The following EML6 variants were observed in gnomAD, a reference collection of about 807,000 sequenced individuals.
EML6 encodes EMAP like 6, also known as echinoderm microtubule-associated protein-like 6.
In EML6, 154 loss-of-function variants were observed where a neutral mutation model predicts 240.1. That is an observed-to-expected ratio of 0.64 (90% CI 0.56 to 0.73). The LOEUF is 0.73. EML6 is among the 30% of genes least tolerant of loss of function. The probability of loss-of-function intolerance (pLI) is 0.00; values close to 1 mark genes in which losing one functional copy is unlikely to be tolerated. For synonymous variants in EML6, 1,148 were observed against 899.0 expected (o/e 1.28, Z -4.95); for missense variants, 2,964 against 2,474.6 (o/e 1.20, Z -4.20).
At chr2:54,921,858 G>A (rs899641369) in intron 26 of EML6, among the ~76,000 whole-genome samples, 4 of 152,196 alleles carry the variant, frequency 2.6e-5, no homozygotes, top group Non-Finnish European at 4.4e-5. Context: ...TGGTGTCAGG[G>A]AAACTGGATA....
intron 35 of EML6, 109 bp downstream of exon 35, chr2:54,960,443 C>G (rs1676445526): frequency 1.3e-6 from 1 of 756,596 alleles, no homozygotes; most frequent in African/African-American, 1.7e-5. Flanking sequence ...TGAAACAAGG[C>G]CTCAATACAT....
intron 2 of EML6, among the ~76,000 whole-genome samples, chr2:54,772,675 A>G (rs1257870625): frequency 2.6e-5 from 4 of 152,162 alleles, no homozygotes; most frequent in African/African-American, 9.7e-5. Context: ...AACATTGTCA[A>G]CAGTAGATGG....
chr2:54,883,881 C>G lies in EML6; in HGVS notation c.2438+4241C>G, dbSNP rs556675853. On this transcript the variant is annotated intron_variant, in intron 17 of 41. Coordinates refer to ENST00000356458, the MANE Select transcript of EML6 (RefSeq NM_001039753.4). The stretch of plus-strand genomic sequence containing the variant: ...CCATCATTAGCCACTTTATAACTAG[C>G]CACAACAGAAATAACCTTGGTGTTT... 2.6e-5 allele frequency among the ~76,000 whole-genome samples: 4 copies of G among 152,240 alleles called. No individual in the cohort carries two copies. The South Asian group carries it at 8.3e-4, about 32-fold the overall frequency.
chr2:54,869,441 A>G, intron 15 of EML6, 74 bp downstream of exon 15: 2 of 1,111,830 alleles, frequency 1.8e-6, no homozygotes, highest in Non-Finnish European at 2.6e-6. Flanking sequence ...CATATTAGAA[A>G]TTCAAGAAAT....
rs532770924 is a variant in EML6, at chr2:54,886,798, G to C, written c.2439-4256G>C. Among the ~76,000 whole-genome samples the C allele has an allele frequency of 5.9e-5, 9 of 152,118 alleles. No homozygotes were observed. The South Asian group carries it at 1.9e-3, about 32-fold the overall frequency. ...AGAGTTTTAATATATTTTGAATATA[G>C]GTCCCTTATCAGATATATGATTTGC... On this transcript the variant is annotated intron_variant, in intron 17 of 41. Transcript: ENST00000356458.
intron 28 of EML6, among the ~76,000 whole-genome samples, chr2:54,933,174 C>T (rs531785262): frequency 6.6e-6 from 1 of 152,240 alleles, no homozygotes; most frequent in South Asian, 2.1e-4. Flanking sequence ...CACAAGTTCC[C>T]CCTACAAATG....
intron 7 of EML6, among the ~76,000 whole-genome samples, chr2:54,843,514 C>A (rs1401949127): frequency 6.6e-6 from 1 of 152,206 alleles, no homozygotes; most frequent in East Asian, 1.9e-4. Flanking sequence ...AACTAGATTA[C>A]AAGGGGTGGA....
chr2:54,736,964 T>G (rs1051792628), intron 2 of EML6, among the ~76,000 whole-genome samples: 1 of 152,128 alleles, frequency 6.6e-6, no homozygotes, highest in African/African-American at 2.4e-5. Context: ...CTAAAACAGA[T>G]TGAGGGAATG....
chr2:54,970,191 AATGCCTACC>A lies in EML6; in HGVS notation c.*101_*109del. 1 of 1,210,936 alleles carries A rather than the reference AATGCCTACC, an allele frequency of 8.3e-7. No homozygotes were observed. The highest frequency in any genetic ancestry group is 1.2e-6 in the Non-Finnish European group (1 of 837,754). The allele number at this position is 1,210,936 out of a possible 1,614,324, so 75.0% of individuals were successfully genotyped here. On this transcript the variant is annotated 3_prime_UTR_variant, in exon 42 of 42. Transcript: ENST00000356458. ...GCCTCCTTGCCACCAGCCGTTGGGAAATGCCTACCATGCTGCCCCGGATGCACAAGCTCA... is the reference window on the plus strand; with the variant it reads ...GCCTCCTTGCCACCAGCCGTTGGGAAATGCTGCCCCGGATGCACAAGCTCA...
At chr2:54,887,917 C>T (rs548564977) in intron 17 of EML6, among the ~76,000 whole-genome samples, 2 of 152,328 alleles carry the variant, frequency 1.3e-5, no homozygotes, top group South Asian at 2.1e-4. Flanking sequence ...CTTGACATAT[C>T]ATTATCACCC....
chr2:54,789,295 C>T lies in EML6; in HGVS notation c.198-23937C>T, dbSNP rs571565105. On this transcript the variant is annotated intron_variant, in intron 2 of 41. Transcript: ENST00000356458. Reference sequence around the variant, plus strand: ...TTGGGAGGCCAAGGCGGGCGGATCACGAGGTCAGGAGATCGAGACCATCCT... The same window carrying T: ...TTGGGAGGCCAAGGCGGGCGGATCATGAGGTCAGGAGATCGAGACCATCCT... Among the ~76,000 whole-genome samples, 7 of 151,962 alleles carry T rather than the reference C, an allele frequency of 4.6e-5. No individual in the cohort carries two copies. In the East Asian group the frequency reaches 7.8e-4, roughly 17 times the overall value.
intron 2 of EML6, among the ~76,000 whole-genome samples, chr2:54,764,493 A>G (rs773802797): frequency 3.0e-4 from 46 of 152,248 alleles, no homozygotes; most frequent in Non-Finnish European, 5.4e-4. Flanking sequence ...TTTGAGGTGC[A>G]TTAACTTTAA....
At chr2:54,793,750 C>T (rs1012236763) in intron 2 of EML6, among the ~76,000 whole-genome samples, 1 of 152,126 alleles carries the variant, frequency 6.6e-6, no homozygotes, top group African/African-American at 2.4e-5. Context: ...TTCCAGGAAG[C>T]GGGGCTGGTT....
rs1272767999 is a variant in EML6 at position 54,971,321 on chromosome 2, T to G, written c.*1226T>G. 1 of 152,246 alleles carries G rather than the reference T, an allele frequency of 6.6e-6. No individual in the cohort carries two copies. The highest frequency in any genetic ancestry group is 2.4e-5 in the African/African-American group (1 of 41,462). The allele number at this position is 152,246 out of a possible 1,614,324, so 9.4% of individuals were successfully genotyped here. A position where few individuals can be genotyped will look rare whatever the true frequency, so the allele number is the denominator to read the frequency against. ...ATCCGTAAGCCCCTCAGTCACACTTTCCATGTAGCTGACCAGTGACTACAG... is the reference window on the plus strand; with the variant it reads ...ATCCGTAAGCCCCTCAGTCACACTTGCCATGTAGCTGACCAGTGACTACAG... On this transcript the variant is annotated 3_prime_UTR_variant, in exon 42 of 42. Transcript: ENST00000356458.
intron 21 of EML6, among the ~76,000 whole-genome samples, chr2:54,897,574 C>G (rs1336373010): frequency 3.9e-5 from 6 of 152,224 alleles, no homozygotes; most frequent in Non-Finnish European, 7.3e-5. Flanking sequence ...TTCCCCACAT[C>G]TCTTAGCTTG....
intron 11 of EML6, among the ~76,000 whole-genome samples, chr2:54,856,387 A>T (rs1207370597): frequency 1.3e-5 from 2 of 152,200 alleles, no homozygotes; most frequent in Non-Finnish European, 2.9e-5. Context: ...CACCTGGTGC[A>T]CCCGTTCCAT....
intron 2 of EML6, among the ~76,000 whole-genome samples, chr2:54,767,323 A>G (rs1168018113): frequency 6.6e-6 from 1 of 152,128 alleles, no homozygotes. Context: ...ATCAACATAG[A>G]TATTGTTTTG....
chr2:54,930,452 C>A (rs1377882897), intron 28 of EML6, among the ~76,000 whole-genome samples: 1 of 152,044 alleles, frequency 6.6e-6, no homozygotes, highest in Non-Finnish European at 1.5e-5. Context: ...TCATGCTACC[C>A]CATTTTATTA....
chr2:54,933,356 G>C (rs752753118), intron 28 of EML6, among the ~76,000 whole-genome samples: 7 of 151,984 alleles, frequency 4.6e-5, no homozygotes, highest in Non-Finnish European at 1.0e-4. Context: ...GAGGTGATTT[G>C]GACAGACCCA....
Sources: allele counts gnomAD v4.1 joint callset (sites outside exome capture counted in the v4.1 genomes callset), GRCh38; gene constraint gnomAD v4.1.1; transcripts MANE v1.5; gene names NCBI Gene and HGNC (gene_info 2026-07-23, HGNC 2026-07-21).